The following JPT1 variants were observed in gnomAD, a reference collection of about 807,000 sequenced individuals.
JPT1 encodes androgen-regulated protein 2.
A neutral mutation model predicts 17.0 loss-of-function variants in JPT1; 5 were observed. The observed-to-expected ratio is 0.29, with a 90% CI of 0.15 to 0.62. The LOEUF is 0.62. Among genes scored for constraint, JPT1 ranks in the 20% least tolerant of loss-of-function variants. JPT1 has a pLI of 0.85. For synonymous variants in JPT1, 71 were observed against 73.6 expected, an observed-to-expected ratio of 0.96 and a Z score of 0.18; for missense variants, 158 against 188.1, an observed-to-expected ratio of 0.84 and a Z score of 0.94.
chr17:75,138,891 T>A (rs966009192), intron 4 of JPT1, among the ~76,000 whole-genome samples: 10 of 152,194 alleles, frequency 6.6e-5, no homozygotes, highest in Non-Finnish European at 1.5e-5. Flanking sequence ...TTTCATGAAT[T>A]TCTGGAACAT....
At chr17:75,138,768 C>A (rs548350742) in intron 4 of JPT1, among the ~76,000 whole-genome samples, 1 of 152,300 alleles carries the variant, frequency 6.6e-6, no homozygotes, top group Non-Finnish European at 1.5e-5. Context: ...AGGCTAGAAG[C>A]AAACAAACCT....
chr17:75,147,526 G>C, intron 3 of JPT1, 30 bp downstream of exon 3: 2 of 1,457,832 alleles, frequency 1.4e-6, no homozygotes, highest in South Asian at 2.3e-5. Context: ...TGACCTGAAA[G>C]CCTTTCTGGC....
chr17:75,144,325 A>AC (rs1466977545), intron 4 of JPT1, among the ~76,000 whole-genome samples: 28 of 152,092 alleles, frequency 1.8e-4, no homozygotes, highest in African/African-American at 6.7e-4. Flanking sequence ...GTGTAACATA[A>AC]CATAGTGAGA....
intron 1 of JPT1, among the ~76,000 whole-genome samples, chr17:75,149,503 G>C (rs922156821): frequency 2.0e-5 from 3 of 152,154 alleles, no homozygotes; most frequent in African/African-American, 7.2e-5. Flanking sequence ...GGATAGCTGG[G>C]ACTACAGGCG....
chr17:75,152,672 C>T (rs1442799681), intron 1 of JPT1, among the ~76,000 whole-genome samples: 1 of 152,184 alleles, frequency 6.6e-6, no homozygotes, highest in Non-Finnish European at 1.5e-5. Context: ...ATCAACTCAA[C>T]CCCAAAGAAT....
chr17:75,136,486 A>G (rs1479759681), intron 4 of JPT1, among the ~76,000 whole-genome samples: 1 of 151,784 alleles, frequency 6.6e-6, no homozygotes, highest in East Asian at 1.9e-4. Flanking sequence ...AAGGACATGA[A>G]GTTTTTTTTT....
At position 75,148,591 on chromosome 17, in the gene JPT1, T is replaced by C; in HGVS notation, c.137A>G (p.Lys46Arg). The change falls in exon 2 of 5, where the codon AAA becomes AGA. Residue 46 changes from lysine (K) to arginine (R), a missense_variant. Lys to Arg is a conservative substitution (Grantham distance 26). Transcript: ENST00000409753. ...EPTEQPVRKN[K>R]MASNIFGTPE... ...TGTCCCAAAGATATTAGAGGCCATT[T>C]TGTTCTTCCTCACAGGTTGTTCTGT... 1 of 1,614,204 alleles carries C rather than the reference T, an allele frequency of 6.2e-7. No homozygotes were observed. The highest frequency in any genetic ancestry group is 1.1e-5 in the South Asian group (1 of 91,086).
At chr17:75,143,002 C>G (rs973620374) in intron 4 of JPT1, among the ~76,000 whole-genome samples, 1 of 152,110 alleles carries the variant, frequency 6.6e-6, no homozygotes, top group Non-Finnish European at 1.5e-5. Flanking sequence ...CCTCAGGAAA[C>G]AGAATCTCTT....
Position 75,147,631 on chromosome 17 carries a change from C to T in JPT1, c.222G>A (p.Arg74=). The T allele has an allele frequency of 6.2e-7, 1 of 1,613,480 alleles. No individual in the cohort carries two copies. Among genetic ancestry groups the T allele is most frequent in the Non-Finnish European group, 8.5e-7 (1 of 1,179,466 alleles). The change falls in exon 3 of 5, where the codon AGG becomes AGA. Residue 74 remains arginine (R), a synonymous_variant. Coordinates refer to ENST00000409753, the MANE Select transcript of JPT1 (RefSeq NM_016185.4). ...KSAGAKSSGG[R]EDLESSGLQR... ...GCAGTCCAGATGACTCCAAGTCTTC[C>T]CTGCCACCACTAGACTTGGCACCTA...
At chr17:75,142,745 C>A (rs571988011) in intron 4 of JPT1, 35 of 455,754 alleles carry the variant, frequency 7.7e-5, no homozygotes, top group Middle Eastern at 6.6e-4. Context: ...GAAGTGGAAT[C>A]AAAAAACCTA....
intron 2 of JPT1, 37 bp from the exon 3 acceptor site, chr17:75,147,690 A>G (rs1171871334): frequency 6.5e-7 from 1 of 1,543,660 alleles, no homozygotes; most frequent in Admixed American, 1.7e-5. Flanking sequence ...GAAATACAAT[A>G]GAAAAAACCT....
At chr17:75,141,009 G>GA (rs1275272621) in intron 4 of JPT1, 1 of 152,426 alleles carries the variant, frequency 6.6e-6, no homozygotes, top group Non-Finnish European at 1.5e-5. Context: ...AGAATTGCTT[G>GA]AATCAAAGAG....
chr17:75,151,052 C>G (rs1036744029), intron 1 of JPT1, among the ~76,000 whole-genome samples: 41 of 151,784 alleles, frequency 2.7e-4, no homozygotes, highest in Non-Finnish European at 8.8e-5. Flanking sequence ...CGGGGTTTCA[C>G]CGTGTTAGCC....
chr17:75,142,234 G>A (rs1376031436), intron 4 of JPT1, among the ~76,000 whole-genome samples: 1 of 151,976 alleles, frequency 6.6e-6, no homozygotes, highest in Non-Finnish European at 1.5e-5. Context: ...TGTTAAATAA[G>A]GTCTGACAGT....
At chr17:75,139,806 A>G (rs1159335188) in intron 4 of JPT1, among the ~76,000 whole-genome samples, 1 of 152,162 alleles carries the variant, frequency 6.6e-6, no homozygotes, top group Non-Finnish European at 1.5e-5. Flanking sequence ...CGACAGAGTA[A>G]GACTCCGTCT....
At chr17:75,144,826 C>A (rs186094019) in intron 4 of JPT1, among the ~76,000 whole-genome samples, 9 of 152,202 alleles carry the variant, frequency 5.9e-5, no homozygotes, top group Admixed American at 3.9e-4. Context: ...AGAAACCCCC[C>A]ATATTTGGTC....
At position 75,136,067 on chromosome 17, in the gene JPT1, A is replaced by C. The variant is rs1555650147; in HGVS notation, c.*35T>G. 10 of 1,614,226 alleles carry C rather than the reference A, an allele frequency of 6.2e-6. No individual in the cohort carries two copies. Among genetic ancestry groups the C allele is most frequent in the Non-Finnish European group, 1.7e-6 (2 of 1,180,028 alleles). ...TTGTGCAGTTCACAAGCATGGAGGA[A>C]ACAGACAGAACGACAGCGTTCAGGA... On this transcript the variant is annotated 3_prime_UTR_variant, in exon 5 of 5. Coordinates refer to ENST00000409753, the MANE Select transcript of JPT1 (RefSeq NM_016185.4).
intron 4 of JPT1, chr17:75,138,503 G>A (rs1199495577): frequency 6.6e-6 from 1 of 151,112 alleles, no homozygotes; most frequent in African/African-American, 2.4e-5. Context: ...CCGCCTCCCA[G>A]GCTCAAGCGA....
chr17:75,142,613 G>A, intron 4 of JPT1: 1 of 223,582 alleles, frequency 4.5e-6, no homozygotes, highest in Non-Finnish European at 8.3e-6. Context: ...GGAAGGGGGA[G>A]AGAGGAGGGG....
Sources: allele counts gnomAD v4.1 joint callset (sites outside exome capture counted in the v4.1 genomes callset), GRCh38; gene constraint gnomAD v4.1.1; transcripts MANE v1.5; gene names NCBI Gene and HGNC (gene_info 2026-07-23, HGNC 2026-07-21).